The following ADARB2 variants were observed in gnomAD, a reference collection of about 807,000 sequenced individuals.
ADARB2 encodes inactive double-stranded RNA-specific editase B2.
Under a neutral mutation model 62.2 loss-of-function variants are expected in ADARB2, and 25 were observed. The observed-to-expected ratio is 0.40, with a 90% CI of 0.29 to 0.56. The LOEUF (loss-of-function observed/expected upper bound fraction) is 0.56. Among genes scored for constraint, ADARB2 ranks in the 20% least tolerant of loss-of-function variants. The probability of loss-of-function intolerance (pLI) is 0.43; values close to 1 mark genes in which losing one functional copy is unlikely to be tolerated. For synonymous variants in ADARB2, 572 were observed against 500.8 expected (o/e 1.14, Z -1.90); for missense variants, 1,071 against 1,077.4 (o/e 0.99, Z 0.08).
chr10:1,574,040 G>T (rs1023061827), intron 1 of ADARB2, among the ~76,000 whole-genome samples: 1 of 152,202 alleles, frequency 6.6e-6, no homozygotes. Flanking sequence ...GAAGATCAAA[G>T]TGTCTTATAT....
chr10:1,267,104 G>C (rs1466545493), intron 4 of ADARB2, among the ~76,000 whole-genome samples: 1 of 150,404 alleles, frequency 6.6e-6, no homozygotes, highest in African/African-American at 2.5e-5. Flanking sequence ...GAAGTGAATG[G>C]CTCACACCTA....
Position 1,473,670 on chromosome 10 carries a change from C to G in ADARB2, c.101-94510G>C, listed in dbSNP as rs569001844. ...GTGTTGGGATTACAGGCATGAGCTA[C>G]TGCACCTGGCCTCGGATCTGCATTT... On this transcript the variant is annotated intron_variant, in intron 1 of 9. Coordinates refer to ENST00000381312, the MANE Select transcript of ADARB2 (RefSeq NM_018702.4). Among the ~76,000 whole-genome samples, 8 of 152,352 alleles carry G rather than the reference C, an allele frequency of 5.3e-5. No homozygotes were observed. In the East Asian group the frequency reaches 1.5e-3, roughly 29 times the overall value.
chr10:1,408,597 C>T (rs1832727275), intron 1 of ADARB2, among the ~76,000 whole-genome samples: 1 of 152,156 alleles, frequency 6.6e-6, no homozygotes, highest in African/African-American at 2.4e-5. Context: ...TCAACCCTTG[C>T]CAGCCGTGAG....
At chr10:1,684,017 C>T (rs77470345) in intron 1 of ADARB2, among the ~76,000 whole-genome samples, 6,826 of 152,268 alleles carry the variant, frequency 0.045, 228 homozygotes, top group South Asian at 0.13. Flanking sequence ...GATGCCTGTG[C>T]GCTGTGATCA....
chr10:1,499,600 CTCAACACTCACTCATCAT>C (rs1262851923), intron 1 of ADARB2, among the ~76,000 whole-genome samples: 1 of 151,560 alleles, frequency 6.6e-6, no homozygotes, highest in Non-Finnish European at 1.5e-5. Context: ...CTCATTTTTA[CTCAACACTCACTCATCAT>C]TCACCACTCA....
At chr10:1,622,463 T>C (rs1219312102) in intron 1 of ADARB2, among the ~76,000 whole-genome samples, 2 of 152,014 alleles carry the variant, frequency 1.3e-5, no homozygotes, top group African/African-American at 4.8e-5. Flanking sequence ...ATCTAGAATA[T>C]ATATATAAAG....
Position 1,233,747 on chromosome 10 carries a change from G to A in ADARB2, c.1460C>T (p.Thr487Ile), listed in dbSNP as rs760336358. Residue 487 changes from threonine (T) to isoleucine (I), a missense_variant, in exon 6 of 10, where the codon ACC becomes ATC. Coordinates refer to ENST00000381312, the MANE Select transcript of ADARB2 (RefSeq NM_018702.4). ...GAGTCTTGCGTCTCCACAGGGGGAG[G>A]TGCTCACGTAGAGATGGAAGAGGAT... is the stretch of plus-strand genomic sequence containing the variant. The part of the protein sequence containing the change: ...ENILFHLYVS[T>I]SPCGDARLHS... The A allele has an allele frequency of 6.2e-7, 1 of 1,613,954 alleles. No homozygotes were observed. The highest frequency in any genetic ancestry group is 8.5e-7 in the Non-Finnish European group (1 of 1,179,960).
intron 3 of ADARB2, among the ~76,000 whole-genome samples, chr10:1,320,434 T>A (rs983679968): frequency 8.5e-5 from 13 of 152,226 alleles, no homozygotes; most frequent in African/African-American, 2.2e-4. Flanking sequence ...GGTGTTGGGC[T>A]TACTGAGGAG....
At chr10:1,384,912 T>C (rs1832513082) in intron 1 of ADARB2, among the ~76,000 whole-genome samples, 1 of 152,102 alleles carries the variant, frequency 6.6e-6, no homozygotes, top group Non-Finnish European at 1.5e-5. Context: ...ATTCAAATGA[T>C]GGCACAATGC....
chr10:1,327,429 A>ACGGCCCAGCGC (rs1201113159), intron 3 of ADARB2, among the ~76,000 whole-genome samples: 2 of 86,962 alleles, frequency 2.3e-5, no homozygotes, highest in African/African-American at 1.0e-4. Context: ...GCGCCTCCCC[A>ACGGCCCAGCGC]CTGCCCAGCG....
At chr10:1,642,682 A>G (rs1277421803) in intron 1 of ADARB2, among the ~76,000 whole-genome samples, 2 of 152,006 alleles carry the variant, frequency 1.3e-5, no homozygotes, top group African/African-American at 2.4e-5. Flanking sequence ...AGGCCATCTC[A>G]CCATAGACAC....
intron 1 of ADARB2, among the ~76,000 whole-genome samples, chr10:1,723,400 G>C (rs954259228): frequency 6.6e-6 from 1 of 152,182 alleles, no homozygotes; most frequent in African/African-American, 2.4e-5. Context: ...AAGAACAGCC[G>C]GTGGGGCCGG....
At chr10:1,233,192 T>C (rs904319108) in intron 6 of ADARB2, among the ~76,000 whole-genome samples, 1 of 152,130 alleles carries the variant, frequency 6.6e-6, no homozygotes, top group African/African-American at 2.4e-5. Flanking sequence ...ATGCGTTCTG[T>C]CTCACCTCCA....
At position 1,261,781 on chromosome 10, in the gene ADARB2, T is replaced by C. The variant is rs1207343590; in HGVS notation, c.1192+9174A>G. 1.6e-4 allele frequency among the ~76,000 whole-genome samples: 24 copies of C among 150,210 alleles called. 1 individual carries two copies. Among genetic ancestry groups the C allele is most frequent in the Non-Finnish European group, 3.1e-4 (21 of 68,006 alleles). ...TAGAAATACCATTTGACCCAGCCATTCCATTACTGGGTATATACCCAAAGG... is the reference window on the plus strand; with the variant it reads ...TAGAAATACCATTTGACCCAGCCATCCCATTACTGGGTATATACCCAAAGG... On this transcript the variant is annotated intron_variant, in intron 4 of 9. Coordinates refer to ENST00000381312, the MANE Select transcript of ADARB2 (RefSeq NM_018702.4).
chr10:1,604,294 C>T (rs978316333), intron 1 of ADARB2, among the ~76,000 whole-genome samples: 3 of 152,124 alleles, frequency 2.0e-5, no homozygotes, highest in Admixed American at 1.3e-4. Context: ...ATGTCAGAGC[C>T]TTTTTTGCAT....
At chr10:1,411,407 G>T (rs141791088) in intron 1 of ADARB2, among the ~76,000 whole-genome samples, 1 of 152,352 alleles carries the variant, frequency 6.6e-6, no homozygotes, top group Non-Finnish European at 1.5e-5. Flanking sequence ...TCCTCTCCAG[G>T]CCACCAGTGG....
At chr10:1,652,961 C>T (rs1431341142) in intron 1 of ADARB2, among the ~76,000 whole-genome samples, 1 of 152,204 alleles carries the variant, frequency 6.6e-6, no homozygotes, top group Non-Finnish European at 1.5e-5. Flanking sequence ...CCAGTGTCCT[C>T]CCTGAGATGC....
At chr10:1,428,666 A>C (rs1830742069) in intron 1 of ADARB2, among the ~76,000 whole-genome samples, 1 of 143,806 alleles carries the variant, frequency 7.0e-6, no homozygotes, top group South Asian at 2.5e-4. Flanking sequence ...CATGGGTTAG[A>C]GATTGGGGGC....
chr10:1,714,919 G>A (rs918455227), intron 1 of ADARB2, among the ~76,000 whole-genome samples: 9 of 151,998 alleles, frequency 5.9e-5, no homozygotes, highest in East Asian at 1.9e-4. Flanking sequence ...TGTTACATAC[G>A]TATACATGTG....
Sources: allele counts gnomAD v4.1 joint callset (sites outside exome capture counted in the v4.1 genomes callset), GRCh38; gene constraint gnomAD v4.1.1; transcripts MANE v1.5; gene names NCBI Gene and HGNC (gene_info 2026-07-23, HGNC 2026-07-21).